The following CACNA2D3 variants were observed in gnomAD, a reference collection of about 807,000 sequenced individuals.
CACNA2D3 encodes the protein calcium voltage-gated channel auxiliary subunit alpha2delta 3.
In CACNA2D3, 60 loss-of-function variants were observed where a neutral mutation model predicts 160.6. The ratio of observed to expected loss-of-function variants is 0.37; its 90% CI spans 0.30 to 0.46. CACNA2D3 has a LOEUF of 0.46. Among genes scored for constraint, CACNA2D3 ranks in the 20% least tolerant of loss-of-function variants. CACNA2D3 has a pLI of 1.00. For synonymous variants in CACNA2D3, 558 were observed against 492.9 expected, an observed-to-expected ratio of 1.13 and a Z score of -1.75; for missense variants, 1,205 against 1,365.0, an observed-to-expected ratio of 0.88 and a Z score of 1.85.
intron 27 of CACNA2D3, among the ~76,000 whole-genome samples, chr3:54,926,940 C>T (rs1408154477): frequency 6.6e-6 from 1 of 152,152 alleles, no homozygotes; most frequent in Non-Finnish European, 1.5e-5. Flanking sequence ...TGTCATTCAC[C>T]AAAGTAGCTG....
intron 3 of CACNA2D3, among the ~76,000 whole-genome samples, chr3:54,364,375 C>T (rs1170567244): frequency 6.6e-6 from 1 of 152,166 alleles, no homozygotes; most frequent in African/African-American, 2.4e-5. Context: ...TCTAATTATT[C>T]TTGTGCCTCT....
At chr3:55,038,957 G>A (rs1344849711) in intron 35 of CACNA2D3, among the ~76,000 whole-genome samples, 1 of 148,696 alleles carries the variant, frequency 6.7e-6, no homozygotes, top group African/African-American at 2.5e-5. Context: ...TTATTAAGCT[G>A]GGAGGTTGGG....
At chr3:54,503,111 G>A (rs943848267) in intron 4 of CACNA2D3, among the ~76,000 whole-genome samples, 7 of 152,286 alleles carry the variant, frequency 4.6e-5, no homozygotes, top group South Asian at 2.1e-4. Context: ...ATGATCTGAC[G>A]TATATTTGCC....
chr3:54,220,237 G>A (rs576179713), intron 2 of CACNA2D3, among the ~76,000 whole-genome samples: 53 of 151,936 alleles, frequency 3.5e-4, no homozygotes, highest in African/African-American at 1.1e-3. Context: ...TATTTTTCTC[G>A]CATGGATTGC....
intron 4 of CACNA2D3, among the ~76,000 whole-genome samples, chr3:54,438,741 T>C (rs1700096831): frequency 6.6e-6 from 1 of 152,210 alleles, no homozygotes; most frequent in African/African-American, 2.4e-5. Context: ...TAATTATCCA[T>C]TAAAGGGGTA....
At chr3:54,664,488 C>G (rs554160536) in intron 11 of CACNA2D3, among the ~76,000 whole-genome samples, 3 of 152,244 alleles carry the variant, frequency 2.0e-5, no homozygotes, top group Non-Finnish European at 4.4e-5. Context: ...CCACCTCCCC[C>G]TTTCAGCATC....
intron 2 of CACNA2D3, among the ~76,000 whole-genome samples, chr3:54,280,023 A>T (rs559746377): frequency 6.6e-6 from 1 of 152,260 alleles, no homozygotes; most frequent in Non-Finnish European, 1.5e-5. Flanking sequence ...GATACAACTA[A>T]GCATAAGTGA....
chr3:54,486,582 TC>T (rs1701018557), intron 4 of CACNA2D3, among the ~76,000 whole-genome samples: 1 of 152,234 alleles, frequency 6.6e-6, no homozygotes, highest in South Asian at 2.1e-4. Context: ...ACTTTACTCT[TC>T]CTTGCCAGCT....
At chr3:54,600,525 A>G (rs1703041451) in intron 9 of CACNA2D3, among the ~76,000 whole-genome samples, 1 of 152,148 alleles carries the variant, frequency 6.6e-6, no homozygotes, top group South Asian at 2.1e-4. Context: ...ACAGATCAGT[A>G]TGCCCCGGTT....
chr3:54,648,844 G>C (rs1221211121), intron 11 of CACNA2D3, among the ~76,000 whole-genome samples: 1 of 152,154 alleles, frequency 6.6e-6, no homozygotes, highest in African/African-American at 2.4e-5. Context: ...GAGAAAAGGG[G>C]TAGGGCCAGG....
At chr3:54,612,139 G>A (rs1232893941) in intron 9 of CACNA2D3, among the ~76,000 whole-genome samples, 1 of 152,168 alleles carries the variant, frequency 6.6e-6, no homozygotes, top group Non-Finnish European at 1.5e-5. Context: ...AGGAAGTGAG[G>A]AAGAGAGGGA....
intron 13 of CACNA2D3, among the ~76,000 whole-genome samples, chr3:54,803,385 G>A (rs1262659802): frequency 3.3e-5 from 5 of 152,168 alleles, no homozygotes; most frequent in Admixed American, 6.5e-5. Flanking sequence ...GGAGCTGAAA[G>A]CCAAGGCTCA....
chr3:54,423,712 T>C (rs1395874435), intron 4 of CACNA2D3, among the ~76,000 whole-genome samples: 1 of 152,154 alleles, frequency 6.6e-6, no homozygotes, highest in African/African-American at 2.4e-5. Flanking sequence ...AAAAAGTGCC[T>C]TAGCCTGTGT....
At chr3:55,004,704 A>C in intron 31 of CACNA2D3, 59 bp from the exon 32 acceptor site, 1 of 1,133,760 alleles carries the variant, frequency 8.8e-7, no homozygotes, top group Non-Finnish European at 1.3e-6. Flanking sequence ...AGTACATAGC[A>C]TCAATTGGTT....
intron 3 of CACNA2D3, among the ~76,000 whole-genome samples, chr3:54,373,291 G>T (rs1698956970): frequency 6.6e-6 from 1 of 152,134 alleles, no homozygotes; most frequent in Non-Finnish European, 1.5e-5. Flanking sequence ...ACATATAAGT[G>T]CATGTGGTTG....
At chr3:54,879,687 A>G (rs1177893936) in intron 20 of CACNA2D3, among the ~76,000 whole-genome samples, 2 of 152,168 alleles carry the variant, frequency 1.3e-5, no homozygotes, top group African/African-American at 4.8e-5. Context: ...AAGGGTGAAG[A>G]CAAGTGCAGA....
At chr3:54,185,646 G>T (rs1257749543) in intron 2 of CACNA2D3, among the ~76,000 whole-genome samples, 1 of 152,088 alleles carries the variant, frequency 6.6e-6, no homozygotes, top group Non-Finnish European at 1.5e-5. Context: ...AATATTTTGG[G>T]CTCTCTAGGT....
At chr3:55,052,595 A>G (rs1405086775) in intron 35 of CACNA2D3, among the ~76,000 whole-genome samples, 1 of 152,106 alleles carries the variant, frequency 6.6e-6, no homozygotes, top group Non-Finnish European at 1.5e-5. Flanking sequence ...GCAGTCTCCA[A>G]CTGTAATTGT....
intron 27 of CACNA2D3, chr3:54,918,543 G>A (rs1389458704): frequency 1.2e-6 from 2 of 1,613,852 alleles, no homozygotes; most frequent in Non-Finnish European, 1.7e-6. Context: ...CATGGTACTG[G>A]GCTGTGATTG....
Sources: allele counts gnomAD v4.1 joint callset (sites outside exome capture counted in the v4.1 genomes callset), GRCh38; gene constraint gnomAD v4.1.1; transcripts MANE v1.5; gene names NCBI Gene and HGNC (gene_info 2026-07-23, HGNC 2026-07-21).